Variants in CDH18 observed in about 807,000 individuals in gnomAD.
CDH18 encodes the protein cadherin 18.
Under a neutral mutation model 67.9 loss-of-function variants are expected in CDH18, and 31 were observed. The observed-to-expected ratio is 0.46, with a 90% CI of 0.34 to 0.62. The LOEUF (loss-of-function observed/expected upper bound fraction) is 0.62. CDH18 is among the 20% of genes least tolerant of loss of function. The pLI, the probability that CDH18 is intolerant of heterozygous loss-of-function variation, is 0.01. For synonymous variants in CDH18, 362 were observed against 347.2 expected (o/e 1.04, Z -0.48); for missense variants, 890 against 975.5 (o/e 0.91, Z 1.17).
intron 2 of CDH18, among the ~76,000 whole-genome samples, chr5:20,019,849 G>C (rs1287123380): frequency 9.2e-5 from 14 of 152,202 alleles, no homozygotes; most frequent in Admixed American, 1.3e-4. Context: ...AGTTGGAAGA[G>C]ATTGGAGGGC....
intron 3 of CDH18, among the ~76,000 whole-genome samples, chr5:19,837,808 G>A (rs200188177): frequency 2.1e-4 from 8 of 37,510 alleles, no homozygotes; most frequent in Non-Finnish European, 3.7e-4. Context: ...ATCATCAATC[G>A]GGGGATAGAA....
At chr5:20,460,498 GC>G (rs1751186581) in intron 1 of CDH18, among the ~76,000 whole-genome samples, 1 of 152,074 alleles carries the variant, frequency 6.6e-6, no homozygotes. Flanking sequence ...GCTAACTCTG[GC>G]CCATGAGCAT....
At chr5:19,987,346 T>C (rs1034843739) in intron 1 of CDH18, among the ~76,000 whole-genome samples, 2 of 151,274 alleles carry the variant, frequency 1.3e-5, no homozygotes, top group Non-Finnish European at 2.9e-5. Context: ...AAAATAATAG[T>C]TACTTCCACA....
chr5:20,265,989 C>T (rs534130530), intron 1 of CDH18, among the ~76,000 whole-genome samples: 1 of 152,314 alleles, frequency 6.6e-6, no homozygotes, highest in East Asian at 1.9e-4. Flanking sequence ...GGCAAATGCA[C>T]CCTCTGCTTG....
chr5:20,014,333 T>C (rs1737703853), intron 2 of CDH18, among the ~76,000 whole-genome samples: 1 of 152,102 alleles, frequency 6.6e-6, no homozygotes, highest in Non-Finnish European at 1.5e-5. Flanking sequence ...TGCAATGTGA[T>C]AAGTATTACT....
At chr5:20,497,807 ACTATG>A (rs1754001995) in intron 1 of CDH18, among the ~76,000 whole-genome samples, 1 of 152,168 alleles carries the variant, frequency 6.6e-6, no homozygotes, top group South Asian at 2.1e-4. Flanking sequence ...CATTTGCTAT[ACTATG>A]CTGTTAGTAT....
chr5:19,932,754 G>T (rs527790020), intron 2 of CDH18, among the ~76,000 whole-genome samples: 4 of 151,126 alleles, frequency 2.6e-5, no homozygotes, highest in South Asian at 4.2e-4. Flanking sequence ...TTCATCCCAT[G>T]CCTAATTATT....
At chr5:20,573,300 C>T (rs1758911385) in intron 1 of CDH18, among the ~76,000 whole-genome samples, 1 of 151,486 alleles carries the variant, frequency 6.6e-6, no homozygotes, top group Non-Finnish European at 1.5e-5. Context: ...TCTACTTATG[C>T]TAAAATTTTA....
rs73767548 is a variant in CDH18, at chr5:20,477,371, A to G, written c.-580+98091T>C. Among the ~76,000 whole-genome samples, 1,131 of 152,306 alleles carry G rather than the reference A, an allele frequency of 7.4e-3. 16 individuals carry two copies. Among genetic ancestry groups the G allele is most frequent in the African/African-American group, 0.025 (1,058 of 41,574 alleles). ...CAGTACCTGGTTTTAACATCATACC[A>G]AGGAAGGGGGAACTGAAAACAGTAG... On this transcript the variant is annotated intron_variant, in intron 1 of 14. Coordinates refer to the CDH18 transcript ENST00000507958.
In CDH18 at chr5:19,741,330, TCACACACACACA is replaced by T. The variant is rs60803879; in HGVS notation, c.523+5600_523+5611del. ...ATATATACATGTGTATATACATGTC[TCACACACACACA>T]CACACACACACACACACACATATAT... On this transcript the variant is annotated intron_variant, in intron 4 of 12. Coordinates refer to ENST00000382275, the MANE Select transcript of CDH18 (RefSeq NM_004934.5). Among the ~76,000 whole-genome samples the T allele has an allele frequency of 6.2e-5, 9 of 145,724 alleles. No homozygotes were observed. The South Asian group carries it at 8.7e-4, about 14-fold the overall frequency.
intron 2 of CDH18, among the ~76,000 whole-genome samples, chr5:20,211,211 G>A (rs141644163): frequency 2.9e-4 from 44 of 152,242 alleles, no homozygotes; most frequent in African/African-American, 1.0e-3. Flanking sequence ...GGAGAGGGGC[G>A]TCTGTCATTG....
intron 3 of CDH18, among the ~76,000 whole-genome samples, chr5:19,753,903 C>G (rs978998063): frequency 2.5e-4 from 38 of 152,084 alleles, no homozygotes; most frequent in African/African-American, 8.9e-4. Flanking sequence ...AAGAAAGATA[C>G]AGTTTTTTTC....
chr5:19,527,214 T>C (rs187235886), intron 9 of CDH18, among the ~76,000 whole-genome samples: 225 of 151,962 alleles, frequency 1.5e-3, no homozygotes, highest in Middle Eastern at 3.4e-3. Context: ...TCCACTTAAG[T>C]GTATTTGTTT....
chr5:20,479,701 G>A (rs1752663901), intron 1 of CDH18, among the ~76,000 whole-genome samples: 1 of 152,126 alleles, frequency 6.6e-6, no homozygotes, highest in Non-Finnish European at 1.5e-5. Context: ...GGTAGAGAGA[G>A]AGAGACGGGG....
Position 20,135,970 on chromosome 5 carries a change from T to C in CDH18, c.-518+119474A>G, listed in dbSNP as rs1313758078. 3.9e-5 allele frequency among the ~76,000 whole-genome samples: 6 copies of C among 152,236 alleles called. No individual in the cohort carries two copies. In the South Asian group the frequency reaches 8.3e-4, roughly 21 times the overall value. On this transcript the variant is annotated intron_variant, in intron 2 of 14. Coordinates refer to the CDH18 transcript ENST00000507958. ...TGGTCTGAGAGACAGTTTGTTATAG[T>C]TTCTCTTCTTTTACATTTGCTGAGG...
chr5:19,640,814 C>T (rs1029889044), intron 5 of CDH18, among the ~76,000 whole-genome samples: 2 of 151,460 alleles, frequency 1.3e-5, no homozygotes, highest in Non-Finnish European at 2.9e-5. Context: ...CCAACTAAGC[C>T]TAAAGTTGGC....
chr5:20,447,378 TA>T (rs1363959860), intron 1 of CDH18, among the ~76,000 whole-genome samples: 463 of 137,430 alleles, frequency 3.4e-3, no homozygotes, highest in Middle Eastern at 0.012. Flanking sequence ...AAAATCCTGA[TA>T]AAAAAAAAAA....
At chr5:19,597,398 A>G (rs1746348565) in intron 6 of CDH18, among the ~76,000 whole-genome samples, 1 of 152,140 alleles carries the variant, frequency 6.6e-6, no homozygotes, top group Admixed American at 6.5e-5. Flanking sequence ...ACAGGCATAG[A>G]TAAGCTATAC....
intron 2 of CDH18, among the ~76,000 whole-genome samples, chr5:20,185,334 C>G (rs193097307): frequency 4.6e-5 from 7 of 152,058 alleles, no homozygotes; most frequent in African/African-American, 1.7e-4. Flanking sequence ...GCAGCCTTCC[C>G]CCTGGGCTCC....
Sources: allele counts gnomAD v4.1 joint callset (sites outside exome capture counted in the v4.1 genomes callset), GRCh38; gene constraint gnomAD v4.1.1; transcripts MANE v1.5; gene names NCBI Gene and HGNC (gene_info 2026-07-23, HGNC 2026-07-21).